The following RARB variants were observed in gnomAD, a reference collection of about 807,000 sequenced individuals.
RARB encodes retinoic acid receptor beta.
RARB carries 17 observed loss-of-function variants against 51.9 expected under a neutral mutation model. That is an observed-to-expected ratio of 0.33 (90% CI 0.22 to 0.49). RARB has a LOEUF of 0.49. Among genes scored for constraint, RARB ranks in the 20% least tolerant of loss-of-function variants. The probability of loss-of-function intolerance (pLI) is 0.99; values close to 1 mark genes in which losing one functional copy is unlikely to be tolerated. For missense variants in RARB, 369 were observed against 550.8 expected, an observed-to-expected ratio of 0.67 and a Z score of 3.30; for synonymous variants, 215 against 195.4, an observed-to-expected ratio of 1.10 and a Z score of -0.84.
At chr3:25,069,905 G>T (rs1698734592) in intron 3 of RARB, among the ~76,000 whole-genome samples, 1 of 152,194 alleles carries the variant, frequency 6.6e-6, no homozygotes, top group African/African-American at 2.4e-5. Context: ...AGGCTGAATT[G>T]TCAGTGTAGT....
chr3:25,409,200 T>C (rs1707493907), intron 5 of RARB, among the ~76,000 whole-genome samples: 1 of 152,016 alleles, frequency 6.6e-6, no homozygotes, highest in Non-Finnish European at 1.5e-5. Flanking sequence ...CAGAGAAAAA[T>C]GTGTAGTTCA....
intron 2 of RARB, among the ~76,000 whole-genome samples, chr3:24,968,934 C>A (rs1277738731): frequency 6.6e-6 from 1 of 151,926 alleles, no homozygotes; most frequent in Non-Finnish European, 1.5e-5. Flanking sequence ...TTATTGAATA[C>A]CTTCTAATGC....
chr3:25,186,680 CTCTT>C (rs1700984048), intron 5 of RARB, among the ~76,000 whole-genome samples: 1 of 152,004 alleles, frequency 6.6e-6, no homozygotes, highest in African/African-American at 2.4e-5. Context: ...GAATGAAAAA[CTCTT>C]TAAGTGCACA....
intron 1 of RARB, among the ~76,000 whole-genome samples, chr3:24,851,138 A>G (rs951776755): frequency 6.6e-6 from 1 of 152,182 alleles, no homozygotes; most frequent in African/African-American, 2.4e-5. Context: ...TGGGTAGGTC[A>G]AGAGGTTGTG....
chr3:25,123,500 T>C (rs1339219208), intron 3 of RARB, among the ~76,000 whole-genome samples: 4 of 152,196 alleles, frequency 2.6e-5, no homozygotes, highest in Non-Finnish European at 4.4e-5. Context: ...TCTTTCACAC[T>C]GACAGTGGCT....
chr3:25,447,778 G>C (rs1368416329), intron 1 of RARB, among the ~76,000 whole-genome samples: 1 of 151,992 alleles, frequency 6.6e-6, no homozygotes, highest in African/African-American at 2.4e-5. Context: ...CTGAGAGAGG[G>C]AAAACTGACA....
intron 2 of RARB, among the ~76,000 whole-genome samples, chr3:24,929,747 G>A (rs1360694070): frequency 1.3e-5 from 2 of 152,110 alleles, no homozygotes; most frequent in African/African-American, 4.8e-5. Flanking sequence ...TCTAGAGGGA[G>A]CAGAGATTCC....
intron 2 of RARB, among the ~76,000 whole-genome samples, chr3:24,891,436 C>T (rs1254923760): frequency 6.6e-6 from 1 of 152,118 alleles, no homozygotes; most frequent in Non-Finnish European, 1.5e-5. Context: ...AATCATAGCC[C>T]CCACTAGGTT....
At chr3:24,972,559 CT>C (rs1283188449) in intron 2 of RARB, among the ~76,000 whole-genome samples, 1 of 151,994 alleles carries the variant, frequency 6.6e-6, no homozygotes, top group African/African-American at 2.4e-5. Flanking sequence ...TCTGAGGAAC[CT>C]CTGTACAGTT....
chr3:24,917,309 A>T (rs1477726052), intron 2 of RARB, among the ~76,000 whole-genome samples: 1 of 152,208 alleles, frequency 6.6e-6, no homozygotes, highest in East Asian at 1.9e-4. Context: ...AGAGGAAAAA[A>T]ACTGATACAT....
At chr3:25,065,180 A>C (rs1462715824) in intron 3 of RARB, among the ~76,000 whole-genome samples, 1 of 151,814 alleles carries the variant, frequency 6.6e-6, no homozygotes, top group Non-Finnish European at 1.5e-5. Flanking sequence ...TTTTTAAAAA[A>C]TTGTTATTAT....
At chr3:25,465,197 G>A (rs941987249) in intron 2 of RARB, among the ~76,000 whole-genome samples, 11 of 152,174 alleles carry the variant, frequency 7.2e-5, no homozygotes, top group African/African-American at 2.7e-4. Flanking sequence ...CTTTCGGAAA[G>A]TATCTATTAT....
intron 2 of RARB, among the ~76,000 whole-genome samples, chr3:25,036,525 G>A (rs1697998408): frequency 6.6e-6 from 1 of 152,028 alleles, no homozygotes; most frequent in African/African-American, 2.4e-5. Context: ...GGCCTACTGT[G>A]TGCCAACACT....
intron 5 of RARB, among the ~76,000 whole-genome samples, chr3:25,305,743 C>T (rs759135973): frequency 6.6e-6 from 1 of 151,972 alleles, no homozygotes; most frequent in Non-Finnish European, 1.5e-5. Context: ...GAGCTTGGGC[C>T]TCAACAAAAA....
At chr3:24,980,786 C>G (rs1696647070) in intron 2 of RARB, among the ~76,000 whole-genome samples, 1 of 152,182 alleles carries the variant, frequency 6.6e-6, no homozygotes, top group Non-Finnish European at 1.5e-5. Flanking sequence ...AACTCATTCT[C>G]TGTCCAGTTT....
At chr3:24,919,861 G>T (rs995281783) in intron 2 of RARB, among the ~76,000 whole-genome samples, 1 of 152,138 alleles carries the variant, frequency 6.6e-6, no homozygotes, top group African/African-American at 2.4e-5. Context: ...GGGTGCTGCT[G>T]AACTCTGAAC....
chr3:25,422,460 C>A (rs1020418299), intron 5 of RARB, among the ~76,000 whole-genome samples: 1 of 152,154 alleles, frequency 6.6e-6, no homozygotes, highest in African/African-American at 2.4e-5. Flanking sequence ...GTCACCATTA[C>A]ATTTTCCATC....
intron 5 of RARB, among the ~76,000 whole-genome samples, chr3:25,355,517 T>G (rs1705706810): frequency 6.6e-6 from 1 of 152,062 alleles, no homozygotes; most frequent in African/African-American, 2.4e-5. Flanking sequence ...GTTTGTTTGT[T>G]TATTTGTCAC....
At chr3:25,121,805 C>T (rs1699788977) in intron 3 of RARB, among the ~76,000 whole-genome samples, 1 of 152,098 alleles carries the variant, frequency 6.6e-6, no homozygotes, top group Non-Finnish European at 1.5e-5. Flanking sequence ...ACAGTCAACT[C>T]CTAAAAACAC....
Sources: gnomAD v4.1 joint callset for allele counts (sites outside exome capture counted in the v4.1 genomes callset) on GRCh38, gnomAD v4.1.1 for gene constraint, MANE v1.5 for transcripts, NCBI Gene and HGNC (gene_info 2026-07-23, HGNC 2026-07-21) for gene names.